VWA8: variants seen among roughly 807,000 people sequenced by gnomAD.
VWA8 encodes von Willebrand factor A domain-containing protein 8.
A neutral mutation model predicts 241.5 loss-of-function variants in VWA8; 221 were observed. That is an observed-to-expected ratio of 0.91 (90% CI 0.82 to 1.02). The LOEUF is 1.02. Among genes scored for constraint, VWA8 ranks in the 50% least tolerant of loss-of-function variants. The pLI, the probability that VWA8 is intolerant of heterozygous loss-of-function variation, is 0.00. For missense variants in VWA8, 2,322 were observed against 2,328.7 expected (o/e 1.00, Z 0.06); for synonymous variants, 852 against 827.1 (o/e 1.03, Z -0.52).
intron 1 of VWA8, among the ~76,000 whole-genome samples, chr13:41,955,219 A>G (rs1878300754): frequency 6.6e-6 from 1 of 152,230 alleles, no homozygotes; most frequent in South Asian, 2.1e-4. Context: ...AAGAATACTT[A>G]TAAGACAACA....
chr13:41,760,335 TA>T (rs2045730565), intron 21 of VWA8, among the ~76,000 whole-genome samples: 1 of 151,884 alleles, frequency 6.6e-6, no homozygotes, highest in African/African-American at 2.4e-5. Context: ...TTTGACCCAC[TA>T]ACTCTGCCCT....
At chr13:41,787,708 G>C (rs1309344829) in intron 17 of VWA8, among the ~76,000 whole-genome samples, 165 bp from the exon 18 acceptor site, 2 of 151,794 alleles carry the variant, frequency 1.3e-5, no homozygotes. Flanking sequence ...CAAAATTTTA[G>C]AATAAATATA....
At chr13:41,897,006 G>A (rs1178108095) in intron 4 of VWA8, among the ~76,000 whole-genome samples, 1 of 152,124 alleles carries the variant, frequency 6.6e-6, no homozygotes. Context: ...ATGCCAATCT[G>A]TGAAGGATTG....
At chr13:41,805,287 T>C (rs1870133239) in intron 17 of VWA8, among the ~76,000 whole-genome samples, 1 of 151,854 alleles carries the variant, frequency 6.6e-6, no homozygotes, top group East Asian at 1.9e-4. Context: ...TCAGACAAAA[T>C]AGACTTCAAG....
chr13:41,920,681 A>C (rs1435143831), intron 2 of VWA8, among the ~76,000 whole-genome samples: 3 of 152,224 alleles, frequency 2.0e-5, no homozygotes, highest in African/African-American at 7.2e-5. Context: ...ATAAACTAGA[A>C]AATCTAGAAG....
chr13:41,898,932 G>A lies in VWA8; in HGVS notation c.484-7345C>T, dbSNP rs1307249414. On this transcript the variant is annotated intron_variant, in intron 4 of 44. Coordinates refer to ENST00000379310, the MANE Select transcript of VWA8 (RefSeq NM_015058.2). Reference sequence around the variant, plus strand: ...CTCCAAGCTGGCCCGCAAGCGCCGCGCGCAGCCCCGATTCCCGCTCGCGCC... The same window carrying A: ...CTCCAAGCTGGCCCGCAAGCGCCGCACGCAGCCCCGATTCCCGCTCGCGCC... Among the ~76,000 whole-genome samples the A allele has an allele frequency of 3.9e-5, 6 of 152,264 alleles. No individual in the cohort carries two copies. The East Asian group carries it at 5.8e-4, about 15-fold the overall frequency.
intron 37 of VWA8, among the ~76,000 whole-genome samples, chr13:41,617,118 A>ATT (rs901324222): frequency 6.8e-6 from 1 of 147,688 alleles, no homozygotes; most frequent in Non-Finnish European, 1.5e-5. Context: ...TGGAGATACT[A>ATT]TTTTTTTTTT....
At chr13:41,841,648 T>C (rs1187412764) in intron 12 of VWA8, among the ~76,000 whole-genome samples, 1 of 148,274 alleles carries the variant, frequency 6.7e-6, no homozygotes, top group Non-Finnish European at 1.5e-5. Context: ...TAGCCGGGTG[T>C]GGTGGCGGGC....
At chr13:41,826,766 C>T (rs935738016) in intron 14 of VWA8, among the ~76,000 whole-genome samples, 2 of 151,860 alleles carry the variant, frequency 1.3e-5, no homozygotes, top group Non-Finnish European at 2.9e-5. Context: ...CTCAGCTACT[C>T]GGGAGGCTAA....
chr13:41,884,893 ACAT>A (rs1874444729), intron 8 of VWA8, among the ~76,000 whole-genome samples: 1 of 1,978 alleles, frequency 5.1e-4, no homozygotes, highest in African/African-American at 5.8e-4. Flanking sequence ...ATACATATAT[ACAT>A]ACATACATAC....
intron 14 of VWA8, 70 bp downstream of exon 14, chr13:41,830,459 A>T (rs1871397644): frequency 7.6e-7 from 1 of 1,312,742 alleles, no homozygotes; most frequent in African/African-American, 1.5e-5. Flanking sequence ...CTAGGTTTAG[A>T]AAAATCATAA....
chr13:41,881,880 A>G (rs1189108535), intron 9 of VWA8, among the ~76,000 whole-genome samples: 1 of 136,876 alleles, frequency 7.3e-6, no homozygotes, highest in African/African-American at 2.8e-5. Context: ...TCCCTCCCGG[A>G]CGGGGCGGCT....
chr13:41,830,734 A>G, intron 13 of VWA8, 92 bp from the exon 14 acceptor site: 1 of 1,008,672 alleles, frequency 9.9e-7, no homozygotes, highest in South Asian at 1.5e-5. Context: ...ACAGTCTATT[A>G]TTGCTGGCAA....
chr13:41,655,489 CAGAGAGAGAGAGAG>C (rs34381157), intron 37 of VWA8, among the ~76,000 whole-genome samples: 35 of 148,310 alleles, frequency 2.4e-4, no homozygotes, highest in Admixed American at 4.7e-4. Flanking sequence ...TACAGAGAGA[CAGAGAGAGAGAGAG>C]AGAGAGAGAG....
At chr13:41,959,606 C>CTTTTTTTTTTTTTTTTTTTTTT (rs1168629617) in intron 1 of VWA8, among the ~76,000 whole-genome samples, 2 of 79,648 alleles carry the variant, frequency 2.5e-5, no homozygotes, top group Non-Finnish European at 4.7e-5. Context: ...CCTAAATATG[C>CTTTTTTTTTTTTTTTTTTTTTT]TTTTTTTTTT....
chr13:41,799,774 A>G (rs1243703066), intron 17 of VWA8, among the ~76,000 whole-genome samples: 1 of 152,262 alleles, frequency 6.6e-6, no homozygotes, highest in East Asian at 1.9e-4. Context: ...TATTAGCTCT[A>G]TTGAGATATA....
intron 20 of VWA8, among the ~76,000 whole-genome samples, chr13:41,769,726 T>C (rs1188003143): frequency 6.6e-6 from 1 of 152,180 alleles, no homozygotes; most frequent in African/African-American, 2.4e-5. Context: ...AGCAAATATT[T>C]TTACCTTTTT....
At chr13:41,683,867 G>A (rs1278121947) in intron 35 of VWA8, among the ~76,000 whole-genome samples, 6 of 152,164 alleles carry the variant, frequency 3.9e-5, no homozygotes, top group Non-Finnish European at 5.9e-5. Context: ...GTATCAAGGT[G>A]AGTCCCAGAT....
chr13:41,916,308 T>C (rs1433347054), intron 2 of VWA8, among the ~76,000 whole-genome samples: 1 of 152,240 alleles, frequency 6.6e-6, no homozygotes, highest in African/African-American at 2.4e-5. Flanking sequence ...CTAAGTTGTT[T>C]AAGTCCAAAA....
Sources: allele counts gnomAD v4.1 joint callset (sites outside exome capture counted in the v4.1 genomes callset), GRCh38; gene constraint gnomAD v4.1.1; transcripts MANE v1.5; gene names NCBI Gene and HGNC (gene_info 2026-07-23, HGNC 2026-07-21).